COL4A5: variants seen among roughly 807,000 people sequenced by gnomAD.
COL4A5 encodes collagen alpha-5(IV) chain.
In COL4A5, 26 loss-of-function variants were observed where a neutral mutation model predicts 130.2. That is an observed-to-expected ratio of 0.20 (90% CI 0.15 to 0.28). The LOEUF is 0.28. Among genes scored for constraint, COL4A5 ranks in the 10% least tolerant of loss-of-function variants. COL4A5 has a pLI of 1.00. For missense variants in COL4A5, 1,131 were observed against 1,344.3 expected (o/e 0.84, Z 2.48); for synonymous variants, 496 against 439.6 (o/e 1.13, Z -1.60).
intron 37 of COL4A5, among the ~76,000 whole-genome samples, chrX:108,660,818 C>T (rs1316612237): frequency 9.0e-6 from 1 of 111,250 alleles, no homozygotes; most frequent in South Asian, 3.8e-4. Flanking sequence ...CATATATAGT[C>T]GTGTGTCACA....
intron 26 of COL4A5, 125 bp downstream of exon 26, chrX:108,601,610 A>G: frequency 1.9e-6 from 1 of 519,634 alleles, no homozygotes; most frequent in South Asian, 2.9e-5. Flanking sequence ...TGCTGCAGCA[A>G]CCTCCTACTT....
chrX:108,694,538 A>T (rs2068696602), intron 50 of COL4A5: 2 of 369,296 alleles, frequency 5.4e-6, no homozygotes, highest in Admixed American at 8.7e-5. Context: ...GACTATAGCA[A>T]GTATGAATAG....
At chrX:108,476,877 G>A (rs980082659) in intron 1 of COL4A5, among the ~76,000 whole-genome samples, 1 of 111,334 alleles carries the variant, frequency 9.0e-6, no homozygotes, top group Admixed American at 9.6e-5. Context: ...TGTGAATAGC[G>A]CTACAACCAA....
chrX:108,490,099 T>C lies in COL4A5; in HGVS notation c.82-49647T>C, dbSNP rs201595872. 1.1e-4 allele frequency among the ~76,000 whole-genome samples: 12 copies of C among 111,903 alleles called. 1 individual carries two copies. In the East Asian group the frequency reaches 3.4e-3, roughly 31 times the overall value. ...AACCAGGATACTAATAGTAATATAA[T>C]CTGCCACTCTATATTCAGATTTCAC... On this transcript the variant is annotated intron_variant, in intron 1 of 52. Transcript: ENST00000328300.
At chrX:108,453,139 C>T (rs950213566) in intron 1 of COL4A5, among the ~76,000 whole-genome samples, 4 of 111,106 alleles carry the variant, frequency 3.6e-5, no homozygotes, top group Non-Finnish European at 3.8e-5. Context: ...TATTGATTTG[C>T]GTATATTGAA....
chrX:108,474,548 C>G (rs903203426), intron 1 of COL4A5, among the ~76,000 whole-genome samples: 1 of 111,825 alleles, frequency 8.9e-6, no homozygotes, highest in African/African-American at 3.3e-5. Flanking sequence ...AGAACATATC[C>G]CCATTATTAA....
chrX:108,573,635 C>A lies in COL4A5; in HGVS notation c.527C>A (p.Pro176Gln). 8.4e-7 allele frequency: 1 copy of A among 1,195,836 alleles called. No homozygotes were observed. The change falls in exon 9 of 53, where the codon CCA (proline) becomes CAA (glutamine). Residue 176 changes from proline (P) to glutamine (Q), a missense_variant. Coordinates refer to ENST00000328300, the MANE Select transcript of COL4A5 (RefSeq NM_033380.3). Reference sequence around the variant, plus strand: ...GGACCAAAGGGTAATCCAGGATATCCAGGTCCTCCTGGAATACAAGTAAGT... The same window carrying A: ...GGACCAAAGGGTAATCCAGGATATCAAGGTCCTCCTGGAATACAAGTAAGT... ...LPGPKGNPGY[P>Q]GPPGIQGLPG... is the part of the protein sequence containing the mutation.
At chrX:108,517,086 A>G (rs1489758967) in intron 1 of COL4A5, among the ~76,000 whole-genome samples, 1 of 111,915 alleles carries the variant, frequency 8.9e-6, no homozygotes, top group Non-Finnish European at 1.9e-5. Context: ...TGTTGTTTGC[A>G]ATGCTTTTAA....
chrX:108,567,907 C>T (rs974954738), intron 4 of COL4A5, among the ~76,000 whole-genome samples: 1 of 111,847 alleles, frequency 8.9e-6, no homozygotes, highest in Non-Finnish European at 1.9e-5. Context: ...GGTGAGGACA[C>T]AGCAAAACCA....
At position 108,696,997 on chromosome X, in the gene COL4A5, CA is replaced by C. The variant is rs2068746261; in HGVS notation, c.*620del. 9.0e-6 allele frequency: 1 copy of C among 111,658 alleles called. No homozygotes were observed. Among genetic ancestry groups the C allele is most frequent in the Non-Finnish European group, 1.9e-5 (1 of 53,104 alleles). The allele number at this position is 111,658 out of a possible 1,213,427, so 9.2% of individuals were successfully genotyped here. On this transcript the variant is annotated 3_prime_UTR_variant, in exon 53 of 53. Transcript: ENST00000328300. ...CAAAGTGAGAGGACTTATATTCCTA[CA>C]TCAAGTTACTACTGAGAGTAAATTT...
chrX:108,477,485 C>A (rs906055793), intron 1 of COL4A5, among the ~76,000 whole-genome samples: 4 of 111,441 alleles, frequency 3.6e-5, no homozygotes, highest in African/African-American at 1.3e-4. Context: ...GATATTAGTA[C>A]AAGTGTGTAC....
intron 1 of COL4A5, among the ~76,000 whole-genome samples, chrX:108,507,159 T>C (rs2065132344): frequency 9.4e-6 from 1 of 105,902 alleles, no homozygotes; most frequent in Non-Finnish European, 1.9e-5. Context: ...ATTCCAAAAA[T>C]TTGAGGAGGA....
At chrX:108,545,076 A>G (rs943172884) in intron 2 of COL4A5, among the ~76,000 whole-genome samples, 6 of 111,451 alleles carry the variant, frequency 5.4e-5, no homozygotes, top group African/African-American at 2.0e-4. Context: ...GGATTCATTG[A>G]TTATTTGAAG....
At chrX:108,569,991 A>G (rs1197111747) in intron 6 of COL4A5, among the ~76,000 whole-genome samples, 33 of 111,491 alleles carry the variant, frequency 3.0e-4, no homozygotes, top group Non-Finnish European at 1.1e-4. Flanking sequence ...GATCTTTCTA[A>G]CTAATGGCAT....
intron 1 of COL4A5, among the ~76,000 whole-genome samples, chrX:108,495,427 G>T (rs943791927): frequency 9.0e-6 from 1 of 111,269 alleles, no homozygotes; most frequent in Non-Finnish European, 1.9e-5. Context: ...GAAAATATTT[G>T]CAAAACACAT....
chrX:108,496,692 C>T lies in COL4A5; in HGVS notation c.82-43054C>T, dbSNP rs150876151. ...TCCTTTTATTTCTGACAGGTTCTGC[C>T]TCATGTTTTGAAGCTCTGTTAGTTG... On this transcript the variant is annotated intron_variant, in intron 1 of 52. Coordinates refer to ENST00000328300, the MANE Select transcript of COL4A5 (RefSeq NM_033380.3). Among the ~76,000 whole-genome samples the T allele has an allele frequency of 1.3e-3, 139 of 111,160 alleles. 1 individual carries two copies. The East Asian group carries it at 0.016, about 13-fold the overall frequency.
intron 29 of COL4A5, among the ~76,000 whole-genome samples, chrX:108,607,216 A>G (rs2066745194): frequency 9.2e-6 from 1 of 109,057 alleles, no homozygotes; most frequent in Non-Finnish European, 1.9e-5. Flanking sequence ...AAAATAGAAA[A>G]ATTAGCCGGG....
intron 19 of COL4A5, 77 bp from the exon 20 acceptor site, chrX:108,590,978 TATC>T (rs2066422776): frequency 7.8e-6 from 7 of 895,512 alleles, no homozygotes; most frequent in South Asian, 4.2e-5. Flanking sequence ...AGGAAGATCT[TATC>T]ATTATCTAAT....
chrX:108,652,185 T>C (rs1297051697), intron 36 of COL4A5, among the ~76,000 whole-genome samples: 1 of 112,207 alleles, frequency 8.9e-6, no homozygotes, highest in Non-Finnish European at 1.9e-5. Flanking sequence ...CATGGGTATA[T>C]GCATATATCC....
Sources: gnomAD v4.1 joint callset for allele counts (sites outside exome capture counted in the v4.1 genomes callset) on GRCh38, gnomAD v4.1.1 for gene constraint, MANE v1.5 for transcripts, NCBI Gene and HGNC (gene_info 2026-07-23, HGNC 2026-07-21) for gene names.